Variants in PDZRN3 observed in about 807,000 individuals in gnomAD.
PDZRN3 encodes E3 ubiquitin-protein ligase PDZRN3.
Under a neutral mutation model 85.7 loss-of-function variants are expected in PDZRN3, and 38 were observed. That is an observed-to-expected ratio of 0.44 (90% CI 0.34 to 0.58). PDZRN3 has a LOEUF of 0.58. Ranked by LOEUF, PDZRN3 falls within the 20% of genes least tolerant of loss-of-function variation. The pLI, the probability that PDZRN3 is intolerant of heterozygous loss-of-function variation, is 0.01. For synonymous variants in PDZRN3, 759 were observed against 638.0 expected (o/e 1.19, Z -2.86); for missense variants, 1,629 against 1,506.4 (o/e 1.08, Z -1.35).
intron 3 of PDZRN3, among the ~76,000 whole-genome samples, chr3:73,530,230 A>G (rs1364673405): frequency 6.6e-6 from 1 of 152,204 alleles, no homozygotes; most frequent in Non-Finnish European, 1.5e-5. Context: ...AATGACCACA[A>G]AGATGTCTAG....
chr3:73,542,390 A>C (rs1168881492), intron 3 of PDZRN3, among the ~76,000 whole-genome samples: 1 of 152,198 alleles, frequency 6.6e-6, no homozygotes, highest in African/African-American at 2.4e-5. Flanking sequence ...GTCTCAGTGG[A>C]TCTTCAGTAA....
chr3:73,567,440 G>A (rs936650369), intron 3 of PDZRN3, among the ~76,000 whole-genome samples: 3 of 152,152 alleles, frequency 2.0e-5, no homozygotes, highest in African/African-American at 4.8e-5. Flanking sequence ...ATCATGACCT[G>A]AGTTTCCAAA....
At chr3:73,530,720 T>G (rs890533973) in intron 3 of PDZRN3, among the ~76,000 whole-genome samples, 1 of 152,160 alleles carries the variant, frequency 6.6e-6, no homozygotes, top group Non-Finnish European at 1.5e-5. Flanking sequence ...ATCAGGAAAA[T>G]CTTTGGTTTC....
intron 3 of PDZRN3, among the ~76,000 whole-genome samples, chr3:73,585,959 CA>C (rs1327214244): frequency 6.6e-6 from 1 of 152,106 alleles, no homozygotes; most frequent in Non-Finnish European, 1.5e-5. Context: ...CCAGAAATAA[CA>C]CAATTTCCTA....
At chr3:73,412,189 G>C (rs11128338) in intron 3 of PDZRN3, among the ~76,000 whole-genome samples, 92,581 of 152,130 alleles carry the variant, frequency 0.61, 28,918 homozygotes, top group East Asian at 0.86. Flanking sequence ...AATTGAAGGA[G>C]GAAGGTGTGG....
chr3:73,624,240 T>C lies in PDZRN3; in HGVS notation c.586A>G (p.Lys196Glu). 6.8e-7 allele frequency: 1 copy of C among 1,470,252 alleles called. No homozygotes were observed. The highest frequency in any genetic ancestry group is 1.3e-5 in the South Asian group (1 of 76,108). 91.1% of individuals were successfully genotyped at this position (1,470,252 alleles called of 1,614,324 possible). ...GCGGCCAGCTGGGCCACCAGCGACT[T>C]CTCGCGCTTCCCAGCGCGCAGCGCC... ...KEALRAGKRE[K>E]SLVAQLAAAQ... is the part of the protein sequence containing the mutation. The change falls in exon 1 of 10, where the codon AAG becomes GAG. Residue 196 changes from lysine to glutamate, a missense_variant. Physicochemically the swap from Lys to Glu is moderately conservative, Grantham distance 56. Transcript: ENST00000263666.
chr3:73,612,458 T>C (rs758582023), intron 1 of PDZRN3, among the ~76,000 whole-genome samples: 2 of 152,208 alleles, frequency 1.3e-5, no homozygotes, highest in Non-Finnish European at 2.9e-5. Context: ...TTCTTTGGAC[T>C]ATGCAATAAT....
chr3:73,606,107 G>A (rs1455336796), intron 2 of PDZRN3, among the ~76,000 whole-genome samples: 1 of 152,200 alleles, frequency 6.6e-6, no homozygotes, highest in East Asian at 1.9e-4. Flanking sequence ...TCCATTTTGA[G>A]CAATTTCCAA....
At chr3:73,453,428 A>T (rs1195716044) in intron 3 of PDZRN3, among the ~76,000 whole-genome samples, 1 of 150,252 alleles carries the variant, frequency 6.7e-6, no homozygotes, top group South Asian at 2.1e-4. Flanking sequence ...AAAAAACAAA[A>T]AAAAAAAACA....
At chr3:73,556,472 CAAAG>C (rs901773843) in intron 3 of PDZRN3, among the ~76,000 whole-genome samples, 5 of 152,004 alleles carry the variant, frequency 3.3e-5, no homozygotes, top group African/African-American at 4.8e-5. Context: ...CTAAATAAAG[CAAAG>C]AGAAGTAAAA....
At chr3:73,488,563 C>T (rs1475655152) in intron 3 of PDZRN3, among the ~76,000 whole-genome samples, 1 of 152,186 alleles carries the variant, frequency 6.6e-6, no homozygotes, top group African/African-American at 2.4e-5. Context: ...AAGCCACCTG[C>T]CTACCATCTC....
chr3:73,476,370 A>G lies in PDZRN3; in HGVS notation c.919-71975T>C, dbSNP rs141615375. Among the ~76,000 whole-genome samples the G allele has an allele frequency of 7.8e-3, 1,192 of 152,212 alleles. 15 individuals carry two copies. The highest frequency in any genetic ancestry group is 0.027 in the African/African-American group (1,127 of 41,548). ...GTGCTACACACTTTCCAACAACCAG[A>G]TCTTGTGAGAATTCTATCACTAGAC... On this transcript the variant is annotated intron_variant, in intron 3 of 9. Transcript: ENST00000263666.
chr3:73,402,443 C>CCGG (rs1480952066), intron 4 of PDZRN3: 3 of 152,226 alleles, frequency 2.0e-5, no homozygotes, highest in Non-Finnish European at 4.4e-5. Context: ...GTCTGACTGA[C>CCGG]CTGCCTTTCC....
chr3:73,417,890 T>G (rs757550292), intron 3 of PDZRN3, among the ~76,000 whole-genome samples: 1 of 152,210 alleles, frequency 6.6e-6, no homozygotes, highest in Non-Finnish European at 1.5e-5. Context: ...CTGGAAATAT[T>G]GGCTTTGCAA....
chr3:73,565,823 A>G (rs1015160035), intron 3 of PDZRN3, among the ~76,000 whole-genome samples: 1 of 106,842 alleles, frequency 9.4e-6, no homozygotes, highest in Non-Finnish European at 2.2e-5. Context: ...ACACACACAC[A>G]CACACACACA....
rs4677276 is a variant in PDZRN3, at chr3:73,402,723, T to C, written c.1166+1425A>G. On this transcript the variant is annotated intron_variant, in intron 4 of 9. Transcript: ENST00000263666. Reference sequence around the variant, plus strand: ...CTTTATCCAGAACTTGACTGAACCATAGGAAACATGTGCTCACTCCAGCTA... The same window carrying C: ...CTTTATCCAGAACTTGACTGAACCACAGGAAACATGTGCTCACTCCAGCTA... 1.3e-3 allele frequency among the ~76,000 whole-genome samples: 203 copies of C among 152,196 alleles called. 1 individual carries two copies. Among genetic ancestry groups the C allele is most frequent in the East Asian group, 7.9e-3 (41 of 5,174 alleles).
chr3:73,417,012 C>T (rs2106764711), intron 3 of PDZRN3, among the ~76,000 whole-genome samples: 1 of 151,218 alleles, frequency 6.6e-6, no homozygotes, highest in Admixed American at 6.6e-5. Flanking sequence ...ATGCCTCAGC[C>T]TCCTGATGGC....
chr3:73,491,592 C>CTTTTTTTTTTT (rs367581488), intron 3 of PDZRN3, among the ~76,000 whole-genome samples: 2,992 of 117,444 alleles, frequency 0.025, 136 homozygotes, highest in South Asian at 0.075. Flanking sequence ...GTGGAAGGTT[C>CTTTTTTTTTTT]CTTTTTTTTT....
rs189702887 is a variant in PDZRN3 at position 73,541,015 on chromosome 3, T to G, written c.918+61339A>C. ...GAATCAAACTGTCTACTCTAATGTA[T>G]GCTAAAACTTCTTAAGAAGCAAAGG... On this transcript the variant is annotated intron_variant, in intron 3 of 9. Coordinates refer to ENST00000263666, the MANE Select transcript of PDZRN3 (RefSeq NM_015009.3). Among the ~76,000 whole-genome samples the G allele has an allele frequency of 1.9e-3, 294 of 152,342 alleles. 1 individual carries two copies. The highest frequency in any genetic ancestry group is 6.8e-3 in the African/African-American group (282 of 41,580).
Sources: gnomAD v4.1 joint callset for allele counts (sites outside exome capture counted in the v4.1 genomes callset) on GRCh38, gnomAD v4.1.1 for gene constraint, MANE v1.5 for transcripts, NCBI Gene and HGNC (gene_info 2026-07-23, HGNC 2026-07-21) for gene names.